Variants in CPNE4 observed in about 807,000 individuals in gnomAD.
The protein encoded by CPNE4 is copine-4.
In CPNE4, 25 loss-of-function variants were observed where a neutral mutation model predicts 67.9. The ratio of observed to expected loss-of-function variants is 0.37; its 90% CI spans 0.27 to 0.51. The LOEUF (loss-of-function observed/expected upper bound fraction) is 0.51, where lower values mean the gene tolerates loss of function less well. CPNE4 is among the 20% of genes least tolerant of loss of function. CPNE4 has a pLI of 0.93. For missense variants in CPNE4, 464 were observed against 690.8 expected (o/e 0.67, Z 3.68); for synonymous variants, 242 against 244.9 (o/e 0.99, Z 0.11).
chr3:131,753,396 CAT>C (rs141539318), intron 2 of CPNE4, among the ~76,000 whole-genome samples: 2 of 152,042 alleles, frequency 1.3e-5, no homozygotes, highest in East Asian at 3.9e-4. Flanking sequence ...AGTCTAGAAA[CAT>C]AGAAGTTTTT....
At position 131,991,617 on chromosome 3, in the gene CPNE4, C is replaced by T. The variant is rs145895686; in HGVS notation, c.-2+42950G>A. On this transcript the variant is annotated intron_variant, in intron 1 of 15. Coordinates refer to ENST00000429747, the MANE Select transcript of CPNE4 (RefSeq NM_130808.3). The stretch of plus-strand genomic sequence containing the variant: ...TTGGAAGATTTGCAACCTGACAATG[C>T]GATAGAAAAGAAAAATCCATTTTCT... Among the ~76,000 whole-genome samples the T allele has an allele frequency of 8.8e-3, 1,199 of 135,706 alleles. 276 individuals carry two copies. Among genetic ancestry groups the T allele is most frequent in the Admixed American group, 0.015 (178 of 12,010 alleles). 89.0% of individuals were successfully genotyped at this position (135,706 alleles called of 152,430 possible).
intron 1 of CPNE4, among the ~76,000 whole-genome samples, chr3:131,959,291 C>T (rs1256356208): frequency 3.5e-5 from 1 of 28,832 alleles, no homozygotes; most frequent in East Asian, 1.5e-3. Flanking sequence ...TGAGCCACCG[C>T]GCCCGGCCGA....
At chr3:131,608,477 G>A (rs1939634770) in intron 7 of CPNE4, among the ~76,000 whole-genome samples, 1 of 152,104 alleles carries the variant, frequency 6.6e-6, no homozygotes, top group Admixed American at 6.6e-5. Context: ...GGGTCTTCTA[G>A]GTACAAGGAG....
intron 10 of CPNE4, among the ~76,000 whole-genome samples, chr3:131,566,670 T>C (rs540851400): frequency 4.6e-5 from 7 of 152,088 alleles, no homozygotes; most frequent in Non-Finnish European, 8.8e-5. Context: ...GAGAAAATCA[T>C]ATCTTTGGGG....
chr3:131,618,467 C>T (rs190447641), intron 7 of CPNE4, among the ~76,000 whole-genome samples: 2 of 152,186 alleles, frequency 1.3e-5, no homozygotes, highest in African/African-American at 2.4e-5. Context: ...TAACTGTGGA[C>T]ACAACTCATT....
intron 2 of CPNE4, among the ~76,000 whole-genome samples, chr3:131,835,993 T>C (rs1583295096): frequency 6.6e-6 from 1 of 152,136 alleles, no homozygotes; most frequent in African/African-American, 2.4e-5. Flanking sequence ...TTGTATGAAG[T>C]CCTAGGCTTA....
At position 131,746,637 on chromosome 3, in the gene CPNE4, G is replaced by A. The variant is rs148513393; in HGVS notation, c.181-23012C>T. Among the ~76,000 whole-genome samples the A allele has an allele frequency of 1.0e-3, 157 of 152,168 alleles. 1 individual carries two copies. Among genetic ancestry groups the A allele is most frequent in the African/African-American group, 3.7e-3 (154 of 41,554 alleles). ...TTATGGCTTAATAGTATTCCATTGT[G>A]TATATATAGCATATTTTCTTTATCC... On this transcript the variant is annotated intron_variant, in intron 2 of 15. Coordinates refer to ENST00000429747, the MANE Select transcript of CPNE4 (RefSeq NM_130808.3).
At chr3:131,609,311 T>C (rs1273021776) in intron 7 of CPNE4, among the ~76,000 whole-genome samples, 1 of 152,172 alleles carries the variant, frequency 6.6e-6, no homozygotes, top group African/African-American at 2.4e-5. Flanking sequence ...CCACCAAATA[T>C]TTGTGCTTTC....
chr3:131,908,473 T>C (rs2088849946), intron 1 of CPNE4, among the ~76,000 whole-genome samples: 1 of 152,076 alleles, frequency 6.6e-6, no homozygotes, highest in Non-Finnish European at 1.5e-5. Flanking sequence ...AATATCTTCC[T>C]GAATTCCGCT....
intron 1 of CPNE4, 68 bp from the exon 2 acceptor site, chr3:131,905,512 C>G: frequency 5.0e-6 from 7 of 1,390,302 alleles, no homozygotes; most frequent in Non-Finnish European, 6.8e-6. Flanking sequence ...AAGGAGAAAG[C>G]CTCCCAATCA....
intron 2 of CPNE4, among the ~76,000 whole-genome samples, chr3:131,899,111 C>G (rs2088453996): frequency 6.6e-6 from 1 of 152,026 alleles, no homozygotes; most frequent in African/African-American, 2.4e-5. Context: ...TTTTCATTTT[C>G]TAGCTCTCGT....
At chr3:131,856,194 ACCC>A (rs1184208396) in intron 2 of CPNE4, among the ~76,000 whole-genome samples, 1 of 151,974 alleles carries the variant, frequency 6.6e-6, no homozygotes, top group Non-Finnish European at 1.5e-5. Flanking sequence ...TCTTTGGTGT[ACCC>A]AATATGTGTA....
At chr3:131,824,950 C>G (rs1387718097) in intron 2 of CPNE4, among the ~76,000 whole-genome samples, 2 of 152,046 alleles carry the variant, frequency 1.3e-5, no homozygotes, top group Non-Finnish European at 2.9e-5. Context: ...TAGTCCTGTT[C>G]TCATAAAATG....
intron 1 of CPNE4, among the ~76,000 whole-genome samples, chr3:131,960,719 A>G (rs115837874): frequency 6.6e-6 from 1 of 152,164 alleles, no homozygotes; most frequent in Non-Finnish European, 1.5e-5. Flanking sequence ...GGACTCCCCA[A>G]AGAGCTGGAT....
intron 2 of CPNE4, among the ~76,000 whole-genome samples, chr3:131,749,112 T>C (rs1324542082): frequency 6.6e-6 from 1 of 152,182 alleles, no homozygotes; most frequent in Non-Finnish European, 1.5e-5. Flanking sequence ...TTTAACTGCA[T>C]GCCACAGATT....
intron 12 of CPNE4, among the ~76,000 whole-genome samples, chr3:131,554,769 C>T (rs541634538): frequency 3.3e-5 from 5 of 152,124 alleles, no homozygotes; most frequent in Admixed American, 2.0e-4. Flanking sequence ...TAGCTCAGAC[C>T]TCAGAGGCAC....
intron 7 of CPNE4, among the ~76,000 whole-genome samples, chr3:131,644,075 C>T (rs1254615180): frequency 6.6e-6 from 1 of 152,066 alleles, no homozygotes; most frequent in Non-Finnish European, 1.5e-5. Flanking sequence ...GGTTCTCAAG[C>T]TTTAGCATGC....
chr3:131,599,717 T>C (rs1939096095), intron 7 of CPNE4, among the ~76,000 whole-genome samples: 2 of 152,240 alleles, frequency 1.3e-5, no homozygotes, highest in Admixed American at 1.3e-4. Context: ...TATCTTCTGA[T>C]GGACTCAACC....
intron 2 of CPNE4, among the ~76,000 whole-genome samples, chr3:131,890,458 G>T (rs115855807): frequency 6.6e-6 from 1 of 151,218 alleles, no homozygotes; most frequent in Non-Finnish European, 1.5e-5. Context: ...CCATTAGTGA[G>T]ATTGTGGAGA....
Sources: allele counts gnomAD v4.1 joint callset (sites outside exome capture counted in the v4.1 genomes callset), GRCh38; gene constraint gnomAD v4.1.1; transcripts MANE v1.5; gene names NCBI Gene and HGNC (gene_info 2026-07-23, HGNC 2026-07-21).